Variants in TRAF2 observed in about 807,000 individuals in gnomAD.
TRAF2 encodes TNF receptor-associated factor 2.
TRAF2 carries 6 observed loss-of-function variants against 55.6 expected under a neutral mutation model. That is an observed-to-expected ratio of 0.11 (90% CI 0.06 to 0.21). TRAF2 has a LOEUF of 0.21. TRAF2 is among the 10% of genes least tolerant of loss of function. TRAF2 has a pLI of 1.00. For missense variants in TRAF2, 561 were observed against 684.5 expected, an observed-to-expected ratio of 0.82 and a Z score of 2.01; for synonymous variants, 329 against 276.3, an observed-to-expected ratio of 1.19 and a Z score of -1.89.
intron 1 of TRAF2, 97 bp from the exon 2 acceptor site, chr9:136,898,616 C>T (rs1012330944): frequency 2.6e-6 from 4 of 1,522,148 alleles, no homozygotes; most frequent in East Asian, 2.4e-5. Flanking sequence ...GGGGACCCGG[C>T]CCCTCACCAT....
At chr9:136,914,944 C>T (rs967818416) in intron 6 of TRAF2, among the ~76,000 whole-genome samples, 3 of 151,954 alleles carry the variant, frequency 2.0e-5, no homozygotes, top group East Asian at 1.9e-4. Flanking sequence ...CTTTGAAAGG[C>T]GGAGGCGAGC....
intron 6 of TRAF2, among the ~76,000 whole-genome samples, chr9:136,913,269 A>C (rs1341256644): frequency 6.7e-6 from 1 of 150,186 alleles, no homozygotes; most frequent in East Asian, 1.9e-4. Context: ...TGTGGGGTCC[A>C]CATACCATGT....
At chr9:136,917,071 C>T (rs71508877) in intron 7 of TRAF2, among the ~76,000 whole-genome samples, 2,742 of 152,304 alleles carry the variant, frequency 0.018, 42 homozygotes, top group Non-Finnish European at 0.028. Context: ...GCTTCACGTT[C>T]GGGCTGACAG....
At chr9:136,885,394 C>T (rs117192510), upstream of TRAF2, among the ~76,000 whole-genome samples, 100 of 152,182 alleles carry the variant, frequency 6.6e-4, 1 homozygote, top group East Asian at 0.018. Flanking sequence ...GCCCGTGCAC[C>T]GCCAGAGAGA....
intron 4 of TRAF2, among the ~76,000 whole-genome samples, chr9:136,901,226 G>A (rs1165137175): frequency 1.3e-5 from 2 of 151,884 alleles, no homozygotes; most frequent in Non-Finnish European, 2.9e-5. Context: ...AGAGCTCGTC[G>A]AGGCCACTAC....
intron 9 of TRAF2, 41 bp from the exon 10 acceptor site, chr9:136,923,811 G>A (rs935479478): frequency 3.1e-6 from 5 of 1,604,392 alleles, no homozygotes; most frequent in Non-Finnish European, 4.3e-6. Context: ...CCCCGCCCTT[G>A]CTGAGTGTCA....
At chr9:136,914,582 T>A (rs1250242633) in intron 6 of TRAF2, among the ~76,000 whole-genome samples, 1 of 152,210 alleles carries the variant, frequency 6.6e-6, no homozygotes, top group Non-Finnish European at 1.5e-5. Context: ...ACATTGTGGG[T>A]TCACACGGAT....
At chr9:136,917,343 G>GC (rs1850267070) in intron 7 of TRAF2, among the ~76,000 whole-genome samples, 1 of 152,186 alleles carries the variant, frequency 6.6e-6, no homozygotes, top group African/African-American at 2.4e-5. Context: ...GCCCACTTGT[G>GC]CCCACCCCAG....
chr9:136,886,434 C>T, upstream of TRAF2: 4 of 1,001,812 alleles, frequency 4.0e-6, no homozygotes, highest in Non-Finnish European at 4.8e-6. Flanking sequence ...GGCTGGTTGG[C>T]TCCCATGTCC....
At chr9:136,904,407 TA>T (rs1219818127) in intron 4 of TRAF2, among the ~76,000 whole-genome samples, 2 of 152,078 alleles carry the variant, frequency 1.3e-5, no homozygotes, top group African/African-American at 4.8e-5. Context: ...TTTTTATTTT[TA>T]TTTTTTTATT....
chr9:136,886,308 T>G (rs1228070227), upstream of TRAF2: 3 of 810,056 alleles, frequency 3.7e-6, no homozygotes. Context: ...CGCCGACCAA[T>G]CGGCGCACGC....
At chr9:136,905,605 T>TCTTCA (rs1849929218) in intron 4 of TRAF2, among the ~76,000 whole-genome samples, 2 of 152,242 alleles carry the variant, frequency 1.3e-5, no homozygotes, top group African/African-American at 2.4e-5. Flanking sequence ...ATTTTATGTT[T>TCTTCA]ATCATGATTG....
chr9:136,881,960 C>T, upstream of TRAF2: 1 of 985,388 alleles, frequency 1.0e-6, no homozygotes, highest in Non-Finnish European at 1.2e-6. Context: ...GAGGCTGCAG[C>T]ACAGGGCTGA....
At chr9:136,881,989 A>C, upstream of TRAF2, 1 of 985,254 alleles carries the variant, frequency 1.0e-6, no homozygotes, top group South Asian at 4.7e-5. Context: ...CGTCTGAAAA[A>C]GAGGCAAGCT....
chr9:136,898,601 T>G, intron 1 of TRAF2, 112 bp from the exon 2 acceptor site: 1 of 1,492,354 alleles, frequency 6.7e-7, no homozygotes, highest in Non-Finnish European at 8.9e-7. Context: ...TGACCGCAGG[T>G]CAGTGGGGAC....
intron 6 of TRAF2, 137 bp from the exon 7 acceptor site, chr9:136,916,404 G>A: frequency 1.3e-6 from 1 of 787,510 alleles, no homozygotes. Context: ...TGGGCTGTTG[G>A]GTTTCATTCA....
At chr9:136,901,061 G>A (rs1849809027) in intron 4 of TRAF2, among the ~76,000 whole-genome samples, 1 of 152,222 alleles carries the variant, frequency 6.6e-6, no homozygotes, top group African/African-American at 2.4e-5. Context: ...CAGCAACATA[G>A]GCAGTGGCCC....
At chr9:136,912,132 G>A (rs1252261255) in intron 6 of TRAF2, among the ~76,000 whole-genome samples, 12 of 142,650 alleles carry the variant, frequency 8.4e-5, no homozygotes, top group Non-Finnish European at 1.0e-4. Context: ...GATTACAGGC[G>A]TGAGCCACTG....
chr9:136,920,074 T>C (rs1315575714), intron 7 of TRAF2, among the ~76,000 whole-genome samples, 160 bp from the exon 8 acceptor site: 2 of 152,130 alleles, frequency 1.3e-5, no homozygotes, highest in Non-Finnish European at 2.9e-5. Flanking sequence ...CAGTCTGTCA[T>C]ACACAAGAAG....
Sources: allele counts gnomAD v4.1 joint callset (sites outside exome capture counted in the v4.1 genomes callset), GRCh38; gene constraint gnomAD v4.1.1; transcripts MANE v1.5; gene names NCBI Gene and HGNC (gene_info 2026-07-23, HGNC 2026-07-21).